ATP8B2: variants seen among roughly 807,000 people sequenced by gnomAD.
The protein encoded by ATP8B2 is ATPase phospholipid transporting 8B2.
ATP8B2 carries 70 observed loss-of-function variants against 133.4 expected under a neutral mutation model. The observed-to-expected ratio is 0.52, with a 90% confidence interval of 0.43 to 0.64. The LOEUF is 0.64. Ranked by LOEUF, ATP8B2 falls within the 30% of genes least tolerant of loss-of-function variation. The pLI, the probability that ATP8B2 is intolerant of heterozygous loss-of-function variation, is 0.00. For missense variants in ATP8B2, 1,101 were observed against 1,535.7 expected, an observed-to-expected ratio of 0.72 and a Z score of 4.73; for synonymous variants, 517 against 589.5, an observed-to-expected ratio of 0.88 and a Z score of 1.78.
At position 154,340,144 on chromosome 1, in the gene ATP8B2, C is replaced by T. The variant is rs566997211; in HGVS notation, c.1035-710C>T. Among the ~76,000 whole-genome samples, 10 of 152,302 alleles carry T rather than the reference C, an allele frequency of 6.6e-5. No individual in the cohort carries two copies. In the South Asian group the frequency reaches 2.1e-3, roughly 32 times the overall value. ...ACAGTGAGCTATGATTACACTACTG[C>T]ACTCCAGCTTGGGTGACAGAGACCC... On this transcript the variant is annotated intron_variant, in intron 12 of 27. Coordinates refer to ENST00000368489, the MANE Select transcript of ATP8B2 (RefSeq NM_001370597.1). The surrounding 1 kb of genome is among the most constrained non-coding windows in gnomAD (Gnocchi z 4.0).
intron 1 of ATP8B2, among the ~76,000 whole-genome samples, chr1:154,326,235 C>T (rs1685784260): frequency 6.6e-6 from 1 of 152,078 alleles, no homozygotes; most frequent in Non-Finnish European, 1.5e-5. Flanking sequence ...GAAGGTGGCC[C>T]GAGCTCGTGT....
At chr1:154,333,578 T>G (rs1244805748) in intron 9 of ATP8B2, among the ~76,000 whole-genome samples, 1 of 150,830 alleles carries the variant, frequency 6.6e-6, no homozygotes, top group Non-Finnish European at 1.5e-5. Flanking sequence ...TAATTGACAG[T>G]CAGTGTGTGC....
rs1686433682 is a variant in ATP8B2, at chr1:154,342,888, G to C, written c.1380G>C (p.Gly460=). 3.7e-6 allele frequency: 6 copies of C among 1,613,990 alleles called. No homozygotes were observed. Among genetic ancestry groups the C allele is most frequent in the South Asian group, 2.2e-5 (2 of 91,082 alleles). ...DPSLLEAVKI[G]DPHTHEFFRL... is the part of the protein sequence containing the mutation. ...GCCTGCTGGAGGCTGTCAAGATCGGGGACCCCCACACGCATGAGTTCTTCC... is the reference window on the plus strand; with the variant it reads ...GCCTGCTGGAGGCTGTCAAGATCGGCGACCCCCACACGCATGAGTTCTTCC... The change falls in exon 15 of 28, where the codon GGG becomes GGC. Residue 460 remains glycine (G), a synonymous_variant. Transcript: ENST00000368489.
rs1685880169 is a variant in ATP8B2, at chr1:154,328,772, T to C, written c.31+600T>C. 21 of 998,454 alleles carry C rather than the reference T, an allele frequency of 2.1e-5. No individual in the cohort carries two copies. The highest frequency in any genetic ancestry group is 2.4e-5 in the Non-Finnish European group (20 of 840,188). The allele number at this position is 998,454 out of a possible 1,614,324, so 61.8% of individuals were successfully genotyped here. A position where few individuals can be genotyped will look rare whatever the true frequency, so the allele number is the denominator to read the frequency against. ...GCACGCTGGCATCCGCCGGGGGGCATGGGGGGCGGCGGCGGCGGCGCAGCT... is the reference window on the plus strand; with the variant it reads ...GCACGCTGGCATCCGCCGGGGGGCACGGGGGGCGGCGGCGGCGGCGCAGCT... On this transcript the variant is annotated intron_variant, in intron 2 of 27. Coordinates refer to ENST00000368489, the MANE Select transcript of ATP8B2 (RefSeq NM_001370597.1). This position sits in a 1 kb window ranked among gnomAD's most constrained non-coding sequence, Gnocchi z 4.6.
chr1:154,334,414 C>T lies in ATP8B2; in HGVS notation c.749-89C>T. 6.5e-7 allele frequency: 1 copy of T among 1,530,372 alleles called. No homozygotes were observed. Among genetic ancestry groups the T allele is most frequent in the Non-Finnish European group, 9.0e-7 (1 of 1,110,872 alleles). The allele number at this position is 1,530,372 out of a possible 1,614,324, so 94.8% of individuals were successfully genotyped here. A position where few individuals can be genotyped will look rare whatever the true frequency, so the allele number is the denominator to read the frequency against. On this transcript the variant is annotated intron_variant, in intron 10 of 27. Transcript: ENST00000368489. The surrounding 1 kb of genome is among the most constrained non-coding windows in gnomAD (Gnocchi z 4.6). ...TTATCTAGCCAGTATCTCTATTCCA[C>T]CCTGGTGTCCTGCAGTCTGGGGATC...
intron 3 of ATP8B2, 137 bp from the exon 4 acceptor site, chr1:154,330,678 C>G (rs1276786732): frequency 1.2e-6 from 1 of 803,440 alleles, no homozygotes; most frequent in African/African-American, 1.7e-5. Flanking sequence ...CTCTCCTCCT[C>G]TTTCCCCCTC....
intron 9 of ATP8B2, among the ~76,000 whole-genome samples, chr1:154,333,126 A>G (rs866743267): frequency 1.3e-5 from 2 of 152,300 alleles, no homozygotes; most frequent in East Asian, 1.9e-4. Flanking sequence ...TCTGGTCAAC[A>G]TGGTGAAACC....
intron 12 of ATP8B2, chr1:154,338,797 A>C (rs1276340250): frequency 4.6e-5 from 7 of 152,092 alleles, no homozygotes; most frequent in African/African-American, 1.7e-4. Context: ...TTTCACTGGA[A>C]CCCCTCCCCC....
chr1:154,331,737 GATGA>G lies in ATP8B2; in HGVS notation c.438+62_438+65del. On this transcript the variant is annotated intron_variant, in intron 7 of 27. Transcript: ENST00000368489. This position sits in a 1 kb window ranked among gnomAD's most constrained non-coding sequence, Gnocchi z 4.8. ...TTCTTCCTCTTCTTTGTGAGAAAAG[GATGA>G]ATCTTTCCTGATTTACTGTTGCCTC... 1.3e-6 allele frequency: 2 copies of G among 1,549,904 alleles called. No homozygotes were observed. The highest frequency in any genetic ancestry group is 2.7e-5 in the African/African-American group (2 of 73,612).
At position 154,328,957 on chromosome 1, in the gene ATP8B2, C is replaced by T. The variant is rs1419126957; in HGVS notation, c.31+785C>T. 1 of 1,303,898 alleles carries T rather than the reference C, an allele frequency of 7.7e-7. No individual in the cohort carries two copies. Among genetic ancestry groups the T allele is most frequent in the Non-Finnish European group, 1.0e-6 (1 of 988,820 alleles). 80.8% of individuals were successfully genotyped at this position (1,303,898 alleles called of 1,614,324 possible). ...GCCACTAAGGCCAAGGACATATAGA[C>T]GGTCTGCCCTCCCCCACTCAAACCG... On this transcript the variant is annotated intron_variant, in intron 2 of 27. Transcript: ENST00000368489. This position sits in a 1 kb window ranked among gnomAD's most constrained non-coding sequence, Gnocchi z 4.6.
chr1:154,342,332 G>C, intron 13 of ATP8B2, 148 bp from the exon 14 acceptor site: 1 of 792,646 alleles, frequency 1.3e-6, no homozygotes, highest in Non-Finnish European at 2.1e-6. Context: ...TCAGCAATGT[G>C]ACTGAGTGAC....
chr1:154,344,713 T>A lies in ATP8B2; in HGVS notation c.2214T>A (p.Ser738=). 2 of 1,612,122 alleles carry A rather than the reference T, an allele frequency of 1.2e-6. No individual in the cohort carries two copies. Among genetic ancestry groups the A allele is most frequent in the Non-Finnish European group, 1.7e-6 (2 of 1,178,296 alleles). The part of the protein sequence containing the change: ...GNGFTYQDKL[S]SSKLTSVLEA... ...GCTTCACCTATCAGGACAAGCTTTCTTCTTCCAAGCTAACTTCTGTCCTGG... is the reference window on the plus strand; with the variant it reads ...GCTTCACCTATCAGGACAAGCTTTCATCTTCCAAGCTAACTTCTGTCCTGG... Residue 738 remains serine (S), a synonymous_variant, in exon 21 of 28, where the codon TCT becomes TCA. Coordinates refer to ENST00000368489, the MANE Select transcript of ATP8B2 (RefSeq NM_001370597.1). The surrounding 1 kb of genome is among the most constrained non-coding windows in gnomAD (Gnocchi z 4.1).
In ATP8B2 at chr1:154,334,329, T is replaced by A; in HGVS notation, c.748+64T>A. The A allele has an allele frequency of 6.3e-7, 1 of 1,594,766 alleles. No homozygotes were observed. Among genetic ancestry groups the A allele is most frequent in the Non-Finnish European group, 8.6e-7 (1 of 1,166,162 alleles). ...GACTCAGCCAGCCCTCACTCAGGAG[T>A]ATGGGATGAGGTGGGAGAATACCTA... On this transcript the variant is annotated intron_variant, in intron 10 of 27. Transcript: ENST00000368489. The surrounding 1 kb of genome is among the most constrained non-coding windows in gnomAD (Gnocchi z 4.6).
In ATP8B2 at chr1:154,331,265, C is replaced by T. The variant is rs944836422; in HGVS notation, c.303+119C>T. On this transcript the variant is annotated intron_variant, in intron 5 of 27. Coordinates refer to ENST00000368489, the MANE Select transcript of ATP8B2 (RefSeq NM_001370597.1). The surrounding 1 kb of genome is among the most constrained non-coding windows in gnomAD (Gnocchi z 4.8). ...TCTTGGTGACCTTGACATCCCTTACCCGGTCCAGCTAGATCCATGATGTCT... is the reference window on the plus strand; with the variant it reads ...TCTTGGTGACCTTGACATCCCTTACTCGGTCCAGCTAGATCCATGATGTCT... 3 of 1,157,230 alleles carry T rather than the reference C, an allele frequency of 2.6e-6. No individual in the cohort carries two copies. Among genetic ancestry groups the T allele is most frequent in the South Asian group, 1.4e-5 (1 of 71,458 alleles). 71.7% of individuals were successfully genotyped at this position (1,157,230 alleles called of 1,614,324 possible).
chr1:154,330,899 A>G lies in ATP8B2; in HGVS notation c.175A>G (p.Thr59Ala), dbSNP rs778845759. Residue 59 changes from threonine (T) to alanine (A), a missense_variant, in exon 4 of 28, where the codon ACT (threonine) becomes GCT (alanine). By Grantham distance (58) the Thr-to-Ala change is moderately conservative. Transcript: ENST00000368489. ...LFEQFQEVAN[T>A]YFLFLLILQL... Reference sequence around the variant, plus strand: ...TGAGCAGTTCCAGGAAGTTGCCAACACTTACTTCCTGTTCCTCCTCATTCT... The same window carrying G: ...TGAGCAGTTCCAGGAAGTTGCCAACGCTTACTTCCTGTTCCTCCTCATTCT... 1 of 1,613,976 alleles carries G rather than the reference A, an allele frequency of 6.2e-7. No individual in the cohort carries two copies. Among genetic ancestry groups the G allele is most frequent in the Non-Finnish European group, 8.5e-7 (1 of 1,179,912 alleles).
Position 154,344,096 on chromosome 1 carries a change from G to C in ATP8B2, c.1923+39G>C. ...GACGGGCCAAGGATGGGCACGGAGG[G>C]CTCATGCCTGCAATTCTTGTGCCAG... On this transcript the variant is annotated intron_variant, in intron 18 of 27. Transcript: ENST00000368489. This position sits in a 1 kb window ranked among gnomAD's most constrained non-coding sequence, Gnocchi z 4.1. The C allele has an allele frequency of 1.9e-6, 3 of 1,614,210 alleles. No individual in the cohort carries two copies. Among genetic ancestry groups the C allele is most frequent in the Non-Finnish European group, 2.5e-6 (3 of 1,180,024 alleles).
rs1296125388 is a variant in ATP8B2 at position 154,349,406 on chromosome 1, CTG to C, written c.*291_*292del. ...AAGTGGAACCAAAAACAAGAAAAAA[CTG>C]TGAGAGATTGTGTCTGCCCCTGCCC... is the stretch of plus-strand genomic sequence containing the variant. On this transcript the variant is annotated 3_prime_UTR_variant, in exon 28 of 28. Transcript: ENST00000368489. The C allele has an allele frequency of 6.7e-5, 31 of 464,352 alleles. No individual in the cohort carries two copies. Among genetic ancestry groups the C allele is most frequent in the Non-Finnish European group, 1.1e-4 (28 of 254,670 alleles). 28.8% of individuals were successfully genotyped at this position (464,352 alleles called of 1,614,324 possible). A position where few individuals can be genotyped will look rare whatever the true frequency, so the allele number is the denominator to read the frequency against.
Position 154,343,161 on chromosome 1 carries a change from C to A in ATP8B2, c.1502C>A (p.Thr501Asn). Residue 501 changes from threonine to asparagine, a missense_variant, in exon 16 of 28, where the codon ACC (threonine) becomes AAC (asparagine). Thr to Asn is a moderately conservative substitution (Grantham distance 65, BLOSUM62 0). Transcript: ENST00000368489. The surrounding 1 kb of genome is among the most constrained non-coding windows in gnomAD (Gnocchi z 5.8). The stretch of plus-strand genomic sequence containing the variant: ...TCCCCAGATGAGGGGGCCCTGGTCA[C>A]CGCAGCCAGGAACTTTGGTTTTGTT... ...AQSPDEGALV[T>N]AARNFGFVFR... 6.2e-7 allele frequency: 1 copy of A among 1,614,140 alleles called. No homozygotes were observed. The highest frequency in any genetic ancestry group is 8.5e-7 in the Non-Finnish European group (1 of 1,180,034).
At position 154,346,127 on chromosome 1, in the gene ATP8B2, T is replaced by G. The variant is rs1017791115; in HGVS notation, c.2779-104T>G. 6.6e-7 allele frequency: 1 copy of G among 1,504,152 alleles called. No individual in the cohort carries two copies. Among genetic ancestry groups the G allele is most frequent in the Non-Finnish European group, 9.0e-7 (1 of 1,108,638 alleles). The allele number at this position is 1,504,152 out of a possible 1,614,324, so 93.2% of individuals were successfully genotyped here. A position where few individuals can be genotyped will look rare whatever the true frequency, so the allele number is the denominator to read the frequency against. Reference sequence around the variant, plus strand: ...AGGTTGGTTCTAGCTGCCAAAGACTTTGGAAAGGAGGAGGCAGGGACAGAG... The same window carrying G: ...AGGTTGGTTCTAGCTGCCAAAGACTGTGGAAAGGAGGAGGCAGGGACAGAG... On this transcript the variant is annotated intron_variant, in intron 24 of 27. Coordinates refer to ENST00000368489, the MANE Select transcript of ATP8B2 (RefSeq NM_001370597.1). This position sits in a 1 kb window ranked among gnomAD's most constrained non-coding sequence, Gnocchi z 4.5.
Sources: gnomAD v4.1 joint callset for allele counts (sites outside exome capture counted in the v4.1 genomes callset) on GRCh38, gnomAD v4.1.1 for gene constraint, Gnocchi (gnomAD v3.1) non-coding constraint, MANE v1.5 for transcripts, NCBI Gene and HGNC (gene_info 2026-07-23, HGNC 2026-07-21) for gene names.